ADAMDEC1: variants seen among roughly 807,000 people sequenced by gnomAD.
ADAMDEC1 encodes the protein ADAM DEC1.
A neutral mutation model predicts 60.4 loss-of-function variants in ADAMDEC1; 62 were observed. The ratio of observed to expected loss-of-function variants is 1.03; its 90% CI spans 0.84 to 1.27. The LOEUF (loss-of-function observed/expected upper bound fraction) is 1.27, where lower values mean the gene tolerates loss of function less well. Ranked by LOEUF, ADAMDEC1 falls within the 50% of genes most tolerant of loss-of-function variation. The probability of loss-of-function intolerance (pLI) is 0.00; values close to 1 mark genes in which losing one functional copy is unlikely to be tolerated. For synonymous variants in ADAMDEC1, 210 were observed against 195.1 expected, an observed-to-expected ratio of 1.08 and a Z score of -0.64; for missense variants, 595 against 565.0, an observed-to-expected ratio of 1.05 and a Z score of -0.54.
intron 1 of ADAMDEC1, among the ~76,000 whole-genome samples, chr8:24,386,973 G>A (rs1054871773): frequency 4.6e-5 from 7 of 152,124 alleles, no homozygotes; most frequent in African/African-American, 1.4e-4. Context: ...ATCATATTCT[G>A]TTCACCAGAG....
chr8:24,385,120 T>C (rs1817260489), intron 1 of ADAMDEC1, among the ~76,000 whole-genome samples: 1 of 152,170 alleles, frequency 6.6e-6, no homozygotes, highest in African/African-American at 2.4e-5. Context: ...TGAACCATTT[T>C]GATGACACAC....
chr8:24,397,497 C>G (rs752476535), intron 6 of ADAMDEC1, 41 bp downstream of exon 6: 2 of 1,601,680 alleles, frequency 1.2e-6, no homozygotes, highest in Non-Finnish European at 8.5e-7. Context: ...CTTCAATTGT[C>G]TCAGCAAAGA....
At chr8:24,394,265 C>A in intron 4 of ADAMDEC1, 118 bp downstream of exon 4, 2 of 659,708 alleles carry the variant, frequency 3.0e-6, no homozygotes, top group Non-Finnish European at 4.8e-6. Context: ...GGTCCATGAA[C>A]AGCTTCAAAA....
rs546520323 is a variant in ADAMDEC1, at chr8:24,395,804, C to T, written c.440+8C>T. The T allele has an allele frequency of 6.2e-6, 10 of 1,605,198 alleles. No individual in the cohort carries two copies. In the South Asian group the frequency reaches 1.1e-4, roughly 18 times the overall value. ...TACTTGTGACGGGTTGAGGTAAGAACTACCATCAAAATTACTCAAGATCAA... is the reference window on the plus strand; with the variant it reads ...TACTTGTGACGGGTTGAGGTAAGAATTACCATCAAAATTACTCAAGATCAA... On this transcript the variant is annotated splice_region_variant and intron_variant, in intron 5 of 13. Coordinates refer to ENST00000256412, the MANE Select transcript of ADAMDEC1 (RefSeq NM_014479.3).
At chr8:24,392,971 T>G (rs1411967639) in intron 2 of ADAMDEC1, among the ~76,000 whole-genome samples, 4 of 150,854 alleles carry the variant, frequency 2.7e-5, no homozygotes, top group Admixed American at 6.6e-5. Context: ...ACACCTTGTT[T>G]TGATTCCCTG....
chr8:24,384,294 T>A lies in ADAMDEC1; in HGVS notation c.-211T>A. The A allele has an allele frequency of 5.7e-6, 3 of 529,200 alleles. No homozygotes were observed. Among genetic ancestry groups the A allele is most frequent in the Non-Finnish European group, 1.0e-5 (3 of 299,900 alleles). 32.8% of individuals were successfully genotyped at this position (529,200 alleles called of 1,614,324 possible). ...GGGGCAAACAGTGTCCAGATGTGAG[T>A]CCTCAATGAGCTATAACCACAGCCA... On this transcript the variant is annotated 5_prime_UTR_variant, in exon 1 of 14. Coordinates refer to ENST00000256412, the MANE Select transcript of ADAMDEC1 (RefSeq NM_014479.3).
At chr8:24,392,498 A>C (rs575747474) in intron 2 of ADAMDEC1, 118 bp downstream of exon 2, 19 of 700,416 alleles carry the variant, frequency 2.7e-5, no homozygotes, top group Non-Finnish European at 3.7e-5. Context: ...ATTGAAGCCC[A>C]TGTATACAAC....
At chr8:24,388,564 T>C (rs1817355651) in intron 1 of ADAMDEC1, among the ~76,000 whole-genome samples, 1 of 151,816 alleles carries the variant, frequency 6.6e-6, no homozygotes, top group Non-Finnish European at 1.5e-5. Flanking sequence ...ACTGGCCTCC[T>C]TTACTGGTTC....
intron 1 of ADAMDEC1, among the ~76,000 whole-genome samples, chr8:24,386,389 TC>T (rs1817293104): frequency 6.6e-6 from 1 of 152,222 alleles, no homozygotes; most frequent in African/African-American, 2.4e-5. Flanking sequence ...AAACTTGTAC[TC>T]ACTGAACTGC....
chr8:24,386,258 A>C (rs762246846), intron 1 of ADAMDEC1, among the ~76,000 whole-genome samples: 3 of 152,168 alleles, frequency 2.0e-5, no homozygotes, highest in Non-Finnish European at 4.4e-5. Flanking sequence ...TAATGTTCTT[A>C]TGTTTACCCA....
intron 4 of ADAMDEC1, among the ~76,000 whole-genome samples, chr8:24,395,365 T>C (rs1817579804): frequency 6.6e-6 from 1 of 152,186 alleles, no homozygotes; most frequent in African/African-American, 2.4e-5. Context: ...GTACTGTACA[T>C]CCCAAGAGGA....
At chr8:24,404,200 T>C (rs925564358) in intron 13 of ADAMDEC1, 112 bp downstream of exon 13, 4 of 904,388 alleles carry the variant, frequency 4.4e-6, no homozygotes, top group Non-Finnish European at 5.0e-6. Flanking sequence ...TATTTTATAT[T>C]TTTCAAACGA....
chr8:24,388,228 GT>G (rs1817345465), intron 1 of ADAMDEC1, among the ~76,000 whole-genome samples: 1 of 151,980 alleles, frequency 6.6e-6, no homozygotes, highest in Non-Finnish European at 1.5e-5. Flanking sequence ...CTTTCAGTAG[GT>G]TTGCGTCCTT....
At position 24,402,107 on chromosome 8, in the gene ADAMDEC1, A is replaced by G. The variant is rs1817781027; in HGVS notation, c.1320+15A>G. 1.3e-6 allele frequency: 2 copies of G among 1,568,936 alleles called. No individual in the cohort carries two copies. Among genetic ancestry groups the G allele is most frequent in the East Asian group, 2.3e-5 (1 of 43,994 alleles). ...GCTCTCCTAAGGTATTATTTATTAG[A>G]ATTATTGGGGCAGAAGAATTATGCA... On this transcript the variant is annotated intron_variant, in intron 12 of 13. Transcript: ENST00000256412.
chr8:24,399,078 G>C (rs1817693224), intron 9 of ADAMDEC1, 38 bp downstream of exon 9: 24 of 1,585,588 alleles, frequency 1.5e-5, no homozygotes, highest in Non-Finnish European at 2.0e-5. Flanking sequence ...AGGCAGAATG[G>C]ATAGCTATCC....
At position 24,399,451 on chromosome 8, in the gene ADAMDEC1, C is replaced by G. The variant is rs781324239; in HGVS notation, c.988C>G (p.Pro330Ala). Residue 330 changes from proline to alanine, a missense_variant, in exon 10 of 14, where the codon CCA (proline) becomes GCA (alanine). Coordinates refer to ENST00000256412, the MANE Select transcript of ADAMDEC1 (RefSeq NM_014479.3). ...GGCAGCTTCAAATTCCTTGTGTTCC[C>G]CATCTTCGGTTGCTGTTATTGAGGT... ...GLAASNSLCS[P>A]SSVAVIEAKK... The G allele has an allele frequency of 6.2e-6, 10 of 1,613,636 alleles. No individual in the cohort carries two copies. In the Admixed American group the frequency reaches 1.7e-4, roughly 27 times the overall value.
intron 3 of ADAMDEC1, 105 bp downstream of exon 3, chr8:24,393,443 G>A (rs1225944350): frequency 1.7e-5 from 12 of 692,132 alleles, no homozygotes; most frequent in Non-Finnish European, 1.9e-5. Flanking sequence ...AAGACATGAG[G>A]CATTTTGAGC....
chr8:24,398,839 G>T, intron 8 of ADAMDEC1, 35 bp from the exon 9 acceptor site: 1 of 1,602,642 alleles, frequency 6.2e-7, no homozygotes, highest in South Asian at 1.1e-5. Context: ...AAGGAATCCT[G>T]AACATTTTTA....
intron 12 of ADAMDEC1, among the ~76,000 whole-genome samples, chr8:24,402,882 T>A (rs1817800039): frequency 6.6e-6 from 1 of 152,184 alleles, no homozygotes; most frequent in Admixed American, 6.5e-5. Context: ...TTCTGTTAAT[T>A]ATAAAGAGGC....
Sources: allele counts gnomAD v4.1 joint callset (sites outside exome capture counted in the v4.1 genomes callset), GRCh38; gene constraint gnomAD v4.1.1; transcripts MANE v1.5; gene names NCBI Gene and HGNC (gene_info 2026-07-23, HGNC 2026-07-21).